Variants in WASF2 observed in about 807,000 individuals in gnomAD.
The protein encoded by WASF2 is WASP family member 2, also known as actin-binding protein WASF2.
A neutral mutation model predicts 45.0 loss-of-function variants in WASF2; 14 were observed. That is an observed-to-expected ratio of 0.31 (90% CI 0.21 to 0.49). The LOEUF (loss-of-function observed/expected upper bound fraction) is 0.49. WASF2 is among the 20% of genes least tolerant of loss of function. The pLI is 0.99. For missense variants in WASF2, 439 were observed against 636.1 expected (o/e 0.69, Z 3.33); for synonymous variants, 200 against 236.3 (o/e 0.85, Z 1.41).
chr1:27,435,167 G>A (rs986080233), intron 1 of WASF2, among the ~76,000 whole-genome samples: 6 of 152,188 alleles, frequency 3.9e-5, no homozygotes, highest in East Asian at 3.9e-4. Flanking sequence ...GGCTGGTCTC[G>A]AACTCCTGAC....
At chr1:27,429,354 A>T (rs1028549070) in intron 1 of WASF2, among the ~76,000 whole-genome samples, 1 of 152,206 alleles carries the variant, frequency 6.6e-6, no homozygotes, top group African/African-American at 2.4e-5. Context: ...TAGGCCACCA[A>T]TTATAAAGAT....
chr1:27,482,779 A>G (rs931015786), intron 1 of WASF2, among the ~76,000 whole-genome samples: 2 of 152,226 alleles, frequency 1.3e-5, no homozygotes, highest in Non-Finnish European at 2.9e-5. Flanking sequence ...ACCAGAAAGA[A>G]GGAGAAAAAG....
At chr1:27,437,407 C>G (rs996128566) in intron 1 of WASF2, among the ~76,000 whole-genome samples, 1 of 152,134 alleles carries the variant, frequency 6.6e-6, no homozygotes, top group Non-Finnish European at 1.5e-5. Context: ...TCTAGTCCAG[C>G]TGTAAACTAC....
rs766957967 is a variant in WASF2 at position 27,419,074 on chromosome 1, C to T, written c.145G>A (p.Asp49Asn). 8.1e-6 allele frequency: 13 copies of T among 1,613,946 alleles called. No homozygotes were observed. Among genetic ancestry groups the T allele is most frequent in the Non-Finnish European group, 1.1e-5 (13 of 1,179,932 alleles). The stretch of plus-strand genomic sequence containing the variant: ...TGAGTAAAGAGCTCTCCAAAAATGT[C>T]CTCTGCATATTTACCTGGAAAGAGC... ...QLGSLSKYAEDIFGELFTQAN... is the reference protein window; with the variant it reads ...QLGSLSKYAENIFGELFTQAN... The change falls in exon 3 of 9, where the codon GAC (aspartate) becomes AAC (asparagine). Residue 49 changes from aspartate (D) to asparagine (N), a missense_variant. Physicochemically the swap from Asp to Asn is conservative, Grantham distance 23. Coordinates refer to ENST00000618852, the MANE Select transcript of WASF2 (RefSeq NM_006990.5).
intron 1 of WASF2, among the ~76,000 whole-genome samples, chr1:27,440,775 T>C (rs1322362364): frequency 1.3e-5 from 2 of 152,022 alleles, no homozygotes; most frequent in Admixed American, 1.3e-4. Flanking sequence ...AACTCAGACT[T>C]ACAAGAGAAT....
chr1:27,408,243 G>A lies in WASF2; in HGVS notation c.1443C>T (p.Tyr481=), dbSNP rs2016706843. 1.9e-6 allele frequency: 3 copies of A among 1,614,230 alleles called. No homozygotes were observed. The highest frequency in any genetic ancestry group is 4.5e-5 in the East Asian group (2 of 44,882). Residue 481 remains tyrosine, a synonymous_variant, in exon 9 of 9, where the codon TAC becomes TAT. Transcript: ENST00000618852. ...CAGAGGAGTCATCTTCTGAGTCACT[G>A]TACTCAACAGCAATGCGACGAGACA... ...TILSRRIAVE[Y]SDSEDDSSEF... is the part of the protein sequence containing the mutation.
chr1:27,456,880 C>T (rs1012225218), intron 1 of WASF2, among the ~76,000 whole-genome samples: 3 of 151,866 alleles, frequency 2.0e-5, no homozygotes, highest in East Asian at 1.9e-4. Flanking sequence ...GGAATATAGG[C>T]GTCCGTCCGC....
At chr1:27,412,294 C>T (rs897229305) in intron 7 of WASF2, among the ~76,000 whole-genome samples, 16 of 152,142 alleles carry the variant, frequency 1.1e-4, no homozygotes, top group African/African-American at 3.4e-4. Context: ...GCAGCCTTAA[C>T]CTCCCAGGCT....
rs577694076 is a variant in WASF2 at position 27,483,822 on chromosome 1, G to T, written c.-44+6164C>A. ...TAACAAATTGGGTGGGCATGGTAGC[G>T]CTCACATGTAGTCCCAGCTATTTGG... is the stretch of plus-strand genomic sequence containing the variant. On this transcript the variant is annotated intron_variant, in intron 1 of 8. Coordinates refer to ENST00000618852, the MANE Select transcript of WASF2 (RefSeq NM_006990.5). Among the ~76,000 whole-genome samples, 13 of 151,556 alleles carry T rather than the reference G, an allele frequency of 8.6e-5. No individual in the cohort carries two copies. In the East Asian group the frequency reaches 2.3e-3, roughly 27 times the overall value.
chr1:27,479,515 T>C (rs1048073122), intron 1 of WASF2, among the ~76,000 whole-genome samples: 75 of 152,242 alleles, frequency 4.9e-4, no homozygotes, highest in African/African-American at 1.4e-3. Flanking sequence ...CATTATTTAG[T>C]TGAATAATTT....
At chr1:27,481,971 AT>A (rs1250581221) in intron 1 of WASF2, among the ~76,000 whole-genome samples, 2 of 152,240 alleles carry the variant, frequency 1.3e-5, no homozygotes, top group Non-Finnish European at 2.9e-5. Context: ...TTCAGCAAGC[AT>A]TCAACAATTC....
At chr1:27,427,064 T>C (rs2016995918) in intron 2 of WASF2, among the ~76,000 whole-genome samples, 1 of 152,192 alleles carries the variant, frequency 6.6e-6, no homozygotes, top group Admixed American at 6.5e-5. Context: ...AATTTCTTAT[T>C]ATTGCCTCTT....
intron 1 of WASF2, among the ~76,000 whole-genome samples, chr1:27,487,788 CT>C (rs2017966374): frequency 7.6e-6 from 1 of 130,980 alleles, no homozygotes; most frequent in African/African-American, 2.9e-5. Context: ...ATTTTATATT[CT>C]TATTATGTTA....
At chr1:27,434,778 T>C (rs982847114) in intron 1 of WASF2, among the ~76,000 whole-genome samples, 1 of 152,150 alleles carries the variant, frequency 6.6e-6, no homozygotes, top group Non-Finnish European at 1.5e-5. Flanking sequence ...TGAGAATGAG[T>C]CTGAAAACAA....
intron 1 of WASF2, among the ~76,000 whole-genome samples, chr1:27,441,344 G>A (rs2017225575): frequency 4.0e-5 from 6 of 150,100 alleles, no homozygotes; most frequent in Admixed American, 4.0e-4. Context: ...AATGAAAAAC[G>A]TGGCTGGGCG....
At chr1:27,474,847 G>A (rs2017743827) in intron 1 of WASF2, among the ~76,000 whole-genome samples, 2 of 152,146 alleles carry the variant, frequency 1.3e-5, no homozygotes, top group African/African-American at 4.8e-5. Flanking sequence ...AAGTACCCAA[G>A]AGGCTGAGGT....
intron 2 of WASF2, among the ~76,000 whole-genome samples, chr1:27,427,323 C>T (rs2017000578): frequency 6.6e-6 from 1 of 152,136 alleles, no homozygotes; most frequent in African/African-American, 2.4e-5. Flanking sequence ...AGCGTAACTT[C>T]AGTAAGTGGA....
In WASF2 at chr1:27,408,103, T is replaced by G; in HGVS notation, c.*86A>C. ...TTAAAATTACTTTTTTCCTCCCTTT[T>G]CTCCCCCTACGGGTCTGTTGGGGTT... On this transcript the variant is annotated 3_prime_UTR_variant, in exon 9 of 9. Coordinates refer to ENST00000618852, the MANE Select transcript of WASF2 (RefSeq NM_006990.5). 1.3e-6 allele frequency: 2 copies of G among 1,486,978 alleles called. No homozygotes were observed. Among genetic ancestry groups the G allele is most frequent in the Non-Finnish European group, 1.8e-6 (2 of 1,104,232 alleles). 92.1% of individuals were successfully genotyped at this position (1,486,978 alleles called of 1,614,324 possible). A position where few individuals can be genotyped will look rare whatever the true frequency, so the allele number is the denominator to read the frequency against.
intron 6 of WASF2, among the ~76,000 whole-genome samples, chr1:27,413,350 T>G (rs755987600): frequency 8.5e-5 from 13 of 152,186 alleles, no homozygotes; most frequent in Non-Finnish European, 1.6e-4. Context: ...CACTGGGCCT[T>G]GGGTGAATTT....
Sources: allele counts gnomAD v4.1 joint callset (sites outside exome capture counted in the v4.1 genomes callset), GRCh38; gene constraint gnomAD v4.1.1; transcripts MANE v1.5; gene names NCBI Gene and HGNC (gene_info 2026-07-23, HGNC 2026-07-21).